The following BRIP1 variants were observed in gnomAD, a reference collection of about 807,000 sequenced individuals.
The protein encoded by BRIP1 is Fanconi anemia group J protein.
Under a neutral mutation model 119.7 loss-of-function variants are expected in BRIP1, and 88 were observed. The observed-to-expected ratio is 0.74, with a 90% confidence interval of 0.62 to 0.88. BRIP1 has a LOEUF of 0.88. BRIP1 is among the 40% of genes least tolerant of loss of function. BRIP1 has a pLI of 0.00. For missense variants in BRIP1, 1,259 were observed against 1,455.4 expected (o/e 0.87, Z 2.20); for synonymous variants, 443 against 496.5 (o/e 0.89, Z 1.43).
Position 61,690,765 on chromosome 17 carries a change from G to C in BRIP1, c.2575+2665C>G, listed in dbSNP as rs558924585. ...TAAAGTGAAATGATCTCTCTTTGCA[G>C]ATGACATGATCTTTTATGTGGAAAA... is the stretch of plus-strand genomic sequence containing the variant. On this transcript the variant is annotated intron_variant, in intron 18 of 19. Coordinates refer to ENST00000259008, the MANE Select transcript of BRIP1 (RefSeq NM_032043.3). The surrounding 1 kb of genome is among the most constrained non-coding windows in gnomAD (Gnocchi z 5.6). 6.6e-6 allele frequency among the ~76,000 whole-genome samples: 1 copy of C among 152,122 alleles called. No individual in the cohort carries two copies. Among genetic ancestry groups the C allele is most frequent in the Admixed American group, 6.5e-5 (1 of 15,282 alleles).
In BRIP1 at chr17:61,742,577, ATTG is replaced by A. The variant is rs1346594672; in HGVS notation, c.2379+433_2379+435del. Among the ~76,000 whole-genome samples the A allele has an allele frequency of 6.6e-6, 1 of 152,106 alleles. No homozygotes were observed. The highest frequency in any genetic ancestry group is 1.5e-5 in the Non-Finnish European group (1 of 68,020). ...GGTTATTAACTGGCCTAATTTCAGT[ATTG>A]TTGTGTCTCAGGGAATGGAGAGTCC... On this transcript the variant is annotated intron_variant, in intron 16 of 19. Transcript: ENST00000259008. This position sits in a 1 kb window ranked among gnomAD's most constrained non-coding sequence, Gnocchi z 4.7.
Position 61,831,524 on chromosome 17 carries a change from A to G in BRIP1, c.627+15577T>C, listed in dbSNP as rs918339643. 1.8e-4 allele frequency among the ~76,000 whole-genome samples: 27 copies of G among 152,208 alleles called. No individual in the cohort carries two copies. The highest frequency in any genetic ancestry group is 6.5e-4 in the African/African-American group (27 of 41,450). On this transcript the variant is annotated intron_variant, in intron 6 of 19. Transcript: ENST00000259008. This position sits in a 1 kb window ranked among gnomAD's most constrained non-coding sequence, Gnocchi z 4.1. The stretch of plus-strand genomic sequence containing the variant: ...ATGACTGGCTTATTTTACTTCACAT[A>G]ATGTCTTCAAGTTTCATCTATGTTG...
At position 61,825,101 on chromosome 17, in the gene BRIP1, T is replaced by C. The variant is rs189175257; in HGVS notation, c.628-16344A>G. On this transcript the variant is annotated intron_variant, in intron 6 of 19. Transcript: ENST00000259008. The surrounding 1 kb of genome is among the most constrained non-coding windows in gnomAD (Gnocchi z 4.1). ...GAGATCGAGACCATCCTAGCTAACA[T>C]GGTGAAATCCCGTCTCTACTAAAAA... Among the ~76,000 whole-genome samples the C allele has an allele frequency of 5.8e-3, 882 of 151,950 alleles. 6 individuals are homozygous for C. The highest frequency in any genetic ancestry group is 0.012 in the South Asian group (56 of 4,818).
chr17:61,811,672 C>A (rs908922753), intron 6 of BRIP1, among the ~76,000 whole-genome samples: 17 of 151,886 alleles, frequency 1.1e-4, no homozygotes, highest in Non-Finnish European at 1.9e-4. Context: ...TCGGTACAGG[C>A]CGGGCATGGT....
chr17:61,735,334 A>AT lies in BRIP1; in HGVS notation c.2379+7678dup, dbSNP rs1490028282. Among the ~76,000 whole-genome samples, 5 of 151,932 alleles carry AT rather than the reference A, an allele frequency of 3.3e-5. No individual in the cohort carries two copies. Among genetic ancestry groups the AT allele is most frequent in the Admixed American group, 6.6e-5 (1 of 15,254 alleles). On this transcript the variant is annotated intron_variant, in intron 16 of 19. Transcript: ENST00000259008. The surrounding 1 kb of genome is among the most constrained non-coding windows in gnomAD (Gnocchi z 4.4). ...GTTATTCCCATGATTTTTTAATTTT[A>AT]TTTTTTTCCTCACAATTTTATTAAG...
At position 61,693,373 on chromosome 17, in the gene BRIP1, C is replaced by T. The variant is rs2061475451; in HGVS notation, c.2575+57G>A. Reference sequence around the variant, plus strand: ...AGCTCATGTTATGTGTTTTTCACCACAATAAAAATATGAAGATTGTTACTA... The same window carrying T: ...AGCTCATGTTATGTGTTTTTCACCATAATAAAAATATGAAGATTGTTACTA... On this transcript the variant is annotated intron_variant, in intron 18 of 19. Coordinates refer to ENST00000259008, the MANE Select transcript of BRIP1 (RefSeq NM_032043.3). This position sits in a 1 kb window ranked among gnomAD's most constrained non-coding sequence, Gnocchi z 4.2. 5 of 1,455,764 alleles carry T rather than the reference C, an allele frequency of 3.4e-6. No homozygotes were observed. Among genetic ancestry groups the T allele is most frequent in the Non-Finnish European group, 4.8e-6 (5 of 1,036,220 alleles). 90.2% of individuals were successfully genotyped at this position (1,455,764 alleles called of 1,614,324 possible). A position where few individuals can be genotyped will look rare whatever the true frequency, so the allele number is the denominator to read the frequency against.
Position 61,863,413 on chromosome 17 carries a change from C to G in BRIP1, c.-160G>C, listed in dbSNP as rs1003386369. On this transcript the variant is annotated 5_prime_UTR_variant, in exon 1 of 20. Coordinates refer to ENST00000259008, the MANE Select transcript of BRIP1 (RefSeq NM_032043.3). ...GAAAGGGCACGAGCCCTTCCTCCTC[C>G]CTCTTCCTGGGGGTGCTGCTACTTC... 2.0e-5 allele frequency: 3 copies of G among 152,296 alleles called. No individual in the cohort carries two copies. The highest frequency in any genetic ancestry group is 7.2e-5 in the African/African-American group (3 of 41,428). The allele number at this position is 152,296 out of a possible 1,614,324, so 9.4% of individuals were successfully genotyped here.
In BRIP1 at chr17:61,804,423, T is replaced by TGA; in HGVS notation, c.919-2950_919-2949insTC. ...AGCTATATACATATGTGTGTGTGTG[T>TGA]GTGTGTGTGTGTGTGTGTGTGTGTA... On this transcript the variant is annotated intron_variant, in intron 7 of 19. Coordinates refer to ENST00000259008, the MANE Select transcript of BRIP1 (RefSeq NM_032043.3). This position sits in a 1 kb window ranked among gnomAD's most constrained non-coding sequence, Gnocchi z 4.5. Among the ~76,000 whole-genome samples the TGA allele has an allele frequency of 1.8e-5, 1 of 54,770 alleles. No individual in the cohort carries two copies. The highest frequency in any genetic ancestry group is 6.0e-4 in the East Asian group (1 of 1,668). 35.9% of individuals were successfully genotyped at this position (54,770 alleles called of 152,430 possible). A position where few individuals can be genotyped will look rare whatever the true frequency, so the allele number is the denominator to read the frequency against.
At position 61,716,031 on chromosome 17, in the gene BRIP1, A is replaced by G. The variant is rs1555580913; in HGVS notation, c.2412T>C (p.His804=). The G allele has an allele frequency of 6.2e-7, 1 of 1,606,814 alleles. No individual in the cohort carries two copies. Among genetic ancestry groups the G allele is most frequent in the Non-Finnish European group, 8.5e-7 (1 of 1,175,866 alleles). Residue 804 remains histidine (H), a synonymous_variant, in exon 17 of 20, where the codon CAT becomes CAC. Transcript: ENST00000259008. ...VELKRQYNDH[H]SKLRGLLPGR... is the part of the protein sequence containing the mutation. ...CAGGTAGAAGACCTCTCAATTTTGA[A>G]TGGTGGTCATTGTATTGTCGTTTTA...
At chr17:61,766,359 T>C (rs2077373893) in intron 14 of BRIP1, among the ~76,000 whole-genome samples, 1 of 152,158 alleles carries the variant, frequency 6.6e-6, no homozygotes, top group Non-Finnish European at 1.5e-5. Flanking sequence ...ACCTGAGAGA[T>C]ATACAACCTC....
intron 4 of BRIP1, among the ~76,000 whole-genome samples, chr17:61,855,108 AGGT>A (rs1460334603): frequency 6.6e-6 from 1 of 152,166 alleles, no homozygotes; most frequent in Non-Finnish European, 1.5e-5. Flanking sequence ...TTGGTTGGGG[AGGT>A]GAGTCATGTA....
At position 61,683,917 on chromosome 17, in the gene BRIP1, A is replaced by G. The variant is rs2144087136; in HGVS notation, c.3129T>C (p.Ser1043=). ...TATCAGTGAAGGGCAAAACAGTTTT[A>G]CTTTCCATCTTCTCTGTTTTGAAAC... is the stretch of plus-strand genomic sequence containing the variant. ...PPRFKTEKME[S]KTVLPFTDKC... The change falls in exon 20 of 20, where the codon AGT becomes AGC. Residue 1043 remains serine (S), a synonymous_variant. Transcript: ENST00000259008. This position sits in a 1 kb window ranked among gnomAD's most constrained non-coding sequence, Gnocchi z 4.7. 1 of 1,614,186 alleles carries G rather than the reference A, an allele frequency of 6.2e-7. No homozygotes were observed. The highest frequency in any genetic ancestry group is 1.1e-5 in the South Asian group (1 of 91,080).
At chr17:61,833,424 C>G (rs921759484) in intron 6 of BRIP1, among the ~76,000 whole-genome samples, 2 of 152,176 alleles carry the variant, frequency 1.3e-5, no homozygotes, top group Non-Finnish European at 2.9e-5. Flanking sequence ...AATCCCAGCA[C>G]TTTGGGAGGC....
Position 61,700,800 on chromosome 17 carries a change from G to A in BRIP1, c.2493-7288C>T, listed in dbSNP as rs1307103205. Among the ~76,000 whole-genome samples the A allele has an allele frequency of 6.6e-6, 1 of 152,054 alleles. No individual in the cohort carries two copies. The highest frequency in any genetic ancestry group is 1.5e-5 in the Non-Finnish European group (1 of 68,012). The stretch of plus-strand genomic sequence containing the variant: ...ATATGCATATGTTGGTACGCTTGAT[G>A]AGGTTTTACAGGTCTCTGAGATTAT... On this transcript the variant is annotated intron_variant, in intron 17 of 19. Transcript: ENST00000259008. This position sits in a 1 kb window ranked among gnomAD's most constrained non-coding sequence, Gnocchi z 4.1.
rs2144666992 is a variant in BRIP1 at position 61,742,232 on chromosome 17, G to A, written c.2379+781C>T. On this transcript the variant is annotated intron_variant, in intron 16 of 19. Transcript: ENST00000259008. This position sits in a 1 kb window ranked among gnomAD's most constrained non-coding sequence, Gnocchi z 4.7. ...CAGAATTGAAGAGAGTTAGGGCCTT[G>A]CTCTGAATTAAGTTTTGGCTTAAGA... Among the ~76,000 whole-genome samples the A allele has an allele frequency of 6.6e-6, 1 of 152,314 alleles. No individual in the cohort carries two copies. Among genetic ancestry groups the A allele is most frequent in the South Asian group, 2.1e-4 (1 of 4,828 alleles).
chr17:61,787,068 TTATA>T (rs1295483495), intron 10 of BRIP1, among the ~76,000 whole-genome samples: 11 of 115,326 alleles, frequency 9.5e-5, no homozygotes, highest in South Asian at 2.5e-4. Context: ...ATAAATATAA[TTATA>T]TATAAATATA....
intron 14 of BRIP1, among the ~76,000 whole-genome samples, chr17:61,771,807 C>T (rs1211549848): frequency 6.6e-6 from 1 of 151,826 alleles, no homozygotes; most frequent in Non-Finnish European, 1.5e-5. Flanking sequence ...TAAAAATACA[C>T]AAAAATTAGC....
intron 10 of BRIP1, among the ~76,000 whole-genome samples, 200 bp from the exon 11 acceptor site, chr17:61,784,624 T>C (rs2077676949): frequency 1.3e-5 from 2 of 151,892 alleles, no homozygotes; most frequent in Non-Finnish European, 2.9e-5. Context: ...TATCAGGAGG[T>C]TTGGGACCAT....
intron 17 of BRIP1, among the ~76,000 whole-genome samples, chr17:61,707,966 C>A (rs2061717927): frequency 6.6e-6 from 1 of 152,058 alleles, no homozygotes; most frequent in Non-Finnish European, 1.5e-5. Flanking sequence ...CCTGCCTCAG[C>A]CTCCTGAGTA....
Sources: allele counts gnomAD v4.1 joint callset (sites outside exome capture counted in the v4.1 genomes callset), GRCh38; gene constraint gnomAD v4.1.1; non-coding constraint Gnocchi (gnomAD v3.1); transcripts MANE v1.5; gene names NCBI Gene and HGNC (gene_info 2026-07-23, HGNC 2026-07-21).